Variants in SCHIP1 observed in about 807,000 individuals in gnomAD.
The protein encoded by SCHIP1 is schwannomin interacting protein 1.
SCHIP1 carries 8 observed loss-of-function variants against 29.7 expected under a neutral mutation model. The ratio of observed to expected loss-of-function variants is 0.27; its 90% confidence interval spans 0.16 to 0.49. The LOEUF (loss-of-function observed/expected upper bound fraction) is 0.49. SCHIP1 is among the 20% of genes least tolerant of loss of function. The probability of loss-of-function intolerance (pLI) is 0.99; values close to 1 mark genes in which losing one functional copy is unlikely to be tolerated. For synonymous variants in SCHIP1, 76 were observed against 94.9 expected, an observed-to-expected ratio of 0.80 and a Z score of 1.16; for missense variants, 193 against 294.6, an observed-to-expected ratio of 0.66 and a Z score of 2.52.
chr3:159,401,862 T>A, the SCHIP1 span, among the ~76,000 whole-genome samples: 5 of 152,216 alleles, frequency 3.3e-5, no homozygotes, highest in Admixed American at 2.0e-4. Flanking sequence ...GTTTCAGCTT[T>A]CTACATATGT....
chr3:159,827,042 A>G, the SCHIP1 span, among the ~76,000 whole-genome samples: 2 of 152,374 alleles, frequency 1.3e-5, no homozygotes, highest in East Asian at 1.9e-4. Context: ...AAGATGAGAA[A>G]CTTTCTTAAT....
chr3:159,892,076 A>G, intron 5 of SCHIP1, 21 bp from the exon 7 acceptor site: 1 of 1,607,306 alleles, frequency 6.2e-7, no homozygotes, highest in Non-Finnish European at 8.5e-7. Flanking sequence ...CTGTTTTTAA[A>G]TGTTCTGTTA....
chr3:159,625,448 G>C, the SCHIP1 span, among the ~76,000 whole-genome samples: 1 of 152,076 alleles, frequency 6.6e-6, no homozygotes, highest in Admixed American at 6.6e-5. Context: ...TTTCAAATAC[G>C]TACCTCAAGA....
chr3:159,810,614 T>A, the SCHIP1 span, among the ~76,000 whole-genome samples: 1 of 152,356 alleles, frequency 6.6e-6, no homozygotes, highest in Non-Finnish European at 1.5e-5. Context: ...TTGTTTTTGA[T>A]AGTCTTCCAT....
intron 1 of SCHIP1, among the ~76,000 whole-genome samples, chr3:159,858,228 G>A (rs1163967263): frequency 6.6e-6 from 1 of 152,188 alleles, no homozygotes; most frequent in Non-Finnish European, 1.5e-5. Context: ...TTGAGAAGTA[G>A]AATGAGCTCA....
the SCHIP1 span, among the ~76,000 whole-genome samples, chr3:159,466,337 A>G: frequency 6.6e-6 from 1 of 152,090 alleles, no homozygotes; most frequent in South Asian, 2.1e-4. Context: ...GAAAAAAAAG[A>G]ACATGAGATT....
the SCHIP1 span, among the ~76,000 whole-genome samples, chr3:159,495,748 A>C: frequency 8.5e-5 from 13 of 152,324 alleles, no homozygotes; most frequent in East Asian, 2.1e-3. Flanking sequence ...ACAGAATTGG[A>C]AAAAACTACT....
At chr3:159,338,751 A>G in the SCHIP1 span, among the ~76,000 whole-genome samples, 1 of 152,148 alleles carries the variant, frequency 6.6e-6, no homozygotes, top group South Asian at 2.1e-4. Context: ...TTTTATGTGA[A>G]CATTCTGATA....
the SCHIP1 span, among the ~76,000 whole-genome samples, chr3:159,336,884 T>A: frequency 1.3e-5 from 2 of 152,158 alleles, no homozygotes; most frequent in African/African-American, 4.8e-5. Flanking sequence ...GTGAAGAAAG[T>A]CATTGGTAGC....
At chr3:159,452,181 T>G in the SCHIP1 span, among the ~76,000 whole-genome samples, 2 of 151,598 alleles carry the variant, frequency 1.3e-5, no homozygotes, top group Admixed American at 1.3e-4. Context: ...GTGCAGAACA[T>G]GCAGGTTTGT....
the SCHIP1 span, among the ~76,000 whole-genome samples, chr3:159,449,362 C>A: frequency 6.6e-6 from 1 of 152,022 alleles, no homozygotes; most frequent in African/African-American, 2.4e-5. Flanking sequence ...GTCTCCTTGA[C>A]AAGGAATAGC....
the SCHIP1 span, among the ~76,000 whole-genome samples, chr3:159,516,998 C>A: frequency 6.6e-6 from 1 of 152,044 alleles, no homozygotes; most frequent in Non-Finnish European, 1.5e-5. Flanking sequence ...CTGAGCTTTA[C>A]GAATATGTAA....
At chr3:159,313,220 A>G in the SCHIP1 span, among the ~76,000 whole-genome samples, 1 of 152,218 alleles carries the variant, frequency 6.6e-6, no homozygotes, top group South Asian at 2.1e-4. Flanking sequence ...AGAAGAGTTG[A>G]GGAAATTACT....
At chr3:159,865,209 C>G (rs537849085) in intron 1 of SCHIP1, among the ~76,000 whole-genome samples, 1 of 152,304 alleles carries the variant, frequency 6.6e-6, no homozygotes, top group Non-Finnish European at 1.5e-5. Flanking sequence ...TGGTACTTCT[C>G]AAAGCCTTTG....
chr3:159,679,471 C>A, the SCHIP1 span, among the ~76,000 whole-genome samples: 1 of 152,148 alleles, frequency 6.6e-6, no homozygotes, highest in Non-Finnish European at 1.5e-5. Flanking sequence ...CATACACAGG[C>A]AACATCTAGC....
the SCHIP1 span, among the ~76,000 whole-genome samples, chr3:159,481,463 G>C: frequency 6.6e-6 from 1 of 152,146 alleles, no homozygotes; most frequent in Non-Finnish European, 1.5e-5. Context: ...TGAAATTTCA[G>C]ATATACAGCA....
chr3:159,547,943 A>T, the SCHIP1 span, among the ~76,000 whole-genome samples: 2 of 151,988 alleles, frequency 1.3e-5, no homozygotes, highest in Non-Finnish European at 2.9e-5. Flanking sequence ...TAATCATATG[A>T]TTTTCTGTAG....
the SCHIP1 span, among the ~76,000 whole-genome samples, chr3:159,544,011 GA>G: frequency 6.6e-6 from 1 of 152,030 alleles, no homozygotes; most frequent in African/African-American, 2.4e-5. Context: ...ATTAGATCTA[GA>G]AATAGAACCC....
At chr3:159,741,309 G>A in the SCHIP1 span, among the ~76,000 whole-genome samples, 2 of 152,294 alleles carry the variant, frequency 1.3e-5, no homozygotes, top group Non-Finnish European at 2.9e-5. Context: ...AAAGGAGAGA[G>A]AGGAAAGAGG....
Sources: allele counts gnomAD v4.1 joint callset (sites outside exome capture counted in the v4.1 genomes callset), GRCh38; gene constraint gnomAD v4.1.1; transcripts MANE v1.5; gene names NCBI Gene and HGNC (gene_info 2026-07-23, HGNC 2026-07-21).